GALNT16: variants seen among roughly 807,000 people sequenced by gnomAD.
GALNT16 encodes the protein polypeptide N-acetylgalactosaminyltransferase 16, also known as UDP-GalNAc:polypeptide N-acetylgalactosaminyltransferase-like protein 1.
Under a neutral mutation model 76.1 loss-of-function variants are expected in GALNT16, and 40 were observed. The ratio of observed to expected loss-of-function variants is 0.53; its 90% confidence interval spans 0.41 to 0.68. The LOEUF (loss-of-function observed/expected upper bound fraction) is 0.68, where lower values mean the gene tolerates loss of function less well. Among genes scored for constraint, GALNT16 ranks in the 30% least tolerant of loss-of-function variants. The pLI is 0.00. For synonymous variants in GALNT16, 276 were observed against 285.2 expected, an observed-to-expected ratio of 0.97 and a Z score of 0.32; for missense variants, 621 against 731.9, an observed-to-expected ratio of 0.85 and a Z score of 1.75.
the GALNT16 span, among the ~76,000 whole-genome samples, chr14:69,372,201 T>C: frequency 2.6e-5 from 4 of 151,450 alleles, no homozygotes; most frequent in East Asian, 3.9e-4. Context: ...TGGCTGGGGG[T>C]TGGAGTGCCT....
At chr14:69,276,775 GT>G (rs2140110865) in intron 1 of GALNT16, among the ~76,000 whole-genome samples, 1 of 152,164 alleles carries the variant, frequency 6.6e-6, no homozygotes, top group African/African-American at 2.4e-5. Context: ...AGTATTCTTT[GT>G]CTTTGTCCTT....
In GALNT16 at chr14:69,326,811, A is replaced by ACT. The variant is rs1159873824; in HGVS notation, c.568+784_568+785insCT. Among the ~76,000 whole-genome samples, 6 of 152,308 alleles carry ACT rather than the reference A, an allele frequency of 3.9e-5. No homozygotes were observed. The East Asian group carries it at 9.6e-4, about 24-fold the overall frequency. On this transcript the variant is annotated intron_variant, in intron 5 of 14. Transcript: ENST00000448469. ...GCCCACTGTGCCTGTTGTACAGACA[A>ACT]GGGAACTGGGGTTTAAGGAGCTTCA...
At chr14:69,325,832 C>T in intron 4 of GALNT16, 130 bp from the exon 5 acceptor site, 2 of 725,456 alleles carry the variant, frequency 2.8e-6, no homozygotes, top group East Asian at 2.7e-5. Context: ...TAGTGATGAC[C>T]ATACCTCTTC....
chr14:69,370,144 A>G, the GALNT16 span, among the ~76,000 whole-genome samples: 171 of 152,338 alleles, frequency 1.1e-3, no homozygotes, highest in African/African-American at 4.0e-3. Flanking sequence ...GGGCGAGCTC[A>G]TTAGCATGTG....
intron 1 of GALNT16, among the ~76,000 whole-genome samples, chr14:69,282,210 G>A (rs1028772113): frequency 6.6e-6 from 1 of 152,170 alleles, no homozygotes; most frequent in Admixed American, 6.5e-5. Flanking sequence ...TCCCTTGCCC[G>A]CTGCCTGTGT....
the GALNT16 span, among the ~76,000 whole-genome samples, chr14:69,375,246 T>C: frequency 6.6e-6 from 1 of 152,242 alleles, no homozygotes; most frequent in East Asian, 1.9e-4. Context: ...CATGACATAC[T>C]TTCCGCATCC....
intron 1 of GALNT16, among the ~76,000 whole-genome samples, chr14:69,271,289 C>G (rs531705002): frequency 1.3e-5 from 2 of 152,132 alleles, no homozygotes; most frequent in African/African-American, 2.4e-5. Flanking sequence ...GGACTCACAG[C>G]GGGGTGAGGA....
chr14:69,281,576 C>A (rs879436273), intron 1 of GALNT16, among the ~76,000 whole-genome samples: 1 of 152,178 alleles, frequency 6.6e-6, no homozygotes, highest in East Asian at 1.9e-4. Flanking sequence ...GTGAGCCTGG[C>A]GGTGGAAATC....
chr14:69,283,975 A>G (rs1008277614), intron 1 of GALNT16, among the ~76,000 whole-genome samples: 17 of 152,230 alleles, frequency 1.1e-4, no homozygotes, highest in Non-Finnish European at 4.4e-5. Context: ...CGGTGATAAC[A>G]GAGGCATGGA....
At chr14:69,276,807 AT>A (rs1478562339) in intron 1 of GALNT16, among the ~76,000 whole-genome samples, 1 of 152,230 alleles carries the variant, frequency 6.6e-6, no homozygotes. Context: ...AAAAACTCTG[AT>A]TTTAAAGCAT....
At chr14:69,276,718 C>A (rs1370520099) in intron 1 of GALNT16, among the ~76,000 whole-genome samples, 1 of 151,644 alleles carries the variant, frequency 6.6e-6, no homozygotes, top group Non-Finnish European at 1.5e-5. Flanking sequence ...TGAAGCAAAT[C>A]TAACAAAATA....
intron 4 of GALNT16, 37 bp downstream of exon 4, chr14:69,325,441 C>A (rs763229152): frequency 8.3e-7 from 1 of 1,206,272 alleles, no homozygotes; most frequent in Non-Finnish European, 1.2e-6. Flanking sequence ...CCCTCCATTC[C>A]GCCCTCGTCC....
intron 1 of GALNT16, among the ~76,000 whole-genome samples, chr14:69,295,966 C>G (rs758750057): frequency 6.6e-6 from 1 of 152,126 alleles, no homozygotes; most frequent in African/African-American, 2.4e-5. Flanking sequence ...TTATGCATAT[C>G]GTTATCAGTC....
chr14:69,283,197 T>C (rs574926403), intron 1 of GALNT16, among the ~76,000 whole-genome samples: 2 of 152,316 alleles, frequency 1.3e-5, no homozygotes, highest in South Asian at 4.1e-4. Flanking sequence ...CAGAATTACA[T>C]GAAAAGACAC....
chr14:69,343,639 A>C (rs1299892579), intron 12 of GALNT16, among the ~76,000 whole-genome samples: 2 of 152,258 alleles, frequency 1.3e-5, no homozygotes, highest in African/African-American at 4.8e-5. Context: ...AAAAAAGAGC[A>C]GTCACTTCTT....
intron 9 of GALNT16, among the ~76,000 whole-genome samples, chr14:69,337,417 C>T (rs2045428564): frequency 6.6e-6 from 1 of 152,148 alleles, no homozygotes. Context: ...TTGTTATGGC[C>T]ATTGTTGATA....
rs1331295093 is a variant in GALNT16, at chr14:69,353,940, A to T, written c.*1772A>T. 1 of 152,518 alleles carries T rather than the reference A, an allele frequency of 6.6e-6. No individual in the cohort carries two copies. The highest frequency in any genetic ancestry group is 1.5e-5 in the Non-Finnish European group (1 of 68,278). 9.4% of individuals were successfully genotyped at this position (152,518 alleles called of 1,614,324 possible). Reference sequence around the variant, plus strand: ...CACCTGCTCTGGAGGGCTCTCCAGCAGTTTCGCCTCCTGACTCTCACCAGC... The same window carrying T: ...CACCTGCTCTGGAGGGCTCTCCAGCTGTTTCGCCTCCTGACTCTCACCAGC... On this transcript the variant is annotated 3_prime_UTR_variant, in exon 15 of 15. Coordinates refer to ENST00000448469, the MANE Select transcript of GALNT16 (RefSeq NM_001168368.2).
the GALNT16 span, among the ~76,000 whole-genome samples, chr14:69,386,313 A>G: frequency 3.5e-3 from 532 of 152,344 alleles, no homozygotes; most frequent in South Asian, 0.016. Flanking sequence ...AGCACCTGAC[A>G]TGTAATAAAT....
intron 2 of GALNT16, among the ~76,000 whole-genome samples, chr14:69,321,745 C>G (rs2045188940): frequency 6.6e-6 from 1 of 152,198 alleles, no homozygotes. Flanking sequence ...GGCTCACTGT[C>G]CTCTCCTCCA....
Sources: allele counts gnomAD v4.1 joint callset (sites outside exome capture counted in the v4.1 genomes callset), GRCh38; gene constraint gnomAD v4.1.1; transcripts MANE v1.5; gene names NCBI Gene and HGNC (gene_info 2026-07-23, HGNC 2026-07-21).